The following DACH1 variants were observed in gnomAD, a reference collection of about 807,000 sequenced individuals.
DACH1 encodes dachshund homolog 1.
A neutral mutation model predicts 54.2 loss-of-function variants in DACH1; 12 were observed. The observed-to-expected ratio is 0.22, with a 90% confidence interval of 0.14 to 0.36. The LOEUF (loss-of-function observed/expected upper bound fraction) is 0.36. Ranked by LOEUF, DACH1 falls within the 10% of genes least tolerant of loss-of-function variation. The pLI, the probability that DACH1 is intolerant of heterozygous loss-of-function variation, is 1.00. For missense variants in DACH1, 805 were observed against 929.8 expected (o/e 0.87, Z 1.75); for synonymous variants, 386 against 366.2 (o/e 1.05, Z -0.62).
At chr13:71,642,818 C>T (rs1260882350) in intron 2 of DACH1, among the ~76,000 whole-genome samples, 1 of 151,840 alleles carries the variant, frequency 6.6e-6, no homozygotes, top group Non-Finnish European at 1.5e-5. Context: ...GTCAGGAGTT[C>T]GAGACCAGCC....
At chr13:71,531,188 C>G (rs779718246) in intron 6 of DACH1, among the ~76,000 whole-genome samples, 1 of 151,940 alleles carries the variant, frequency 6.6e-6, no homozygotes, top group African/African-American at 2.4e-5. Flanking sequence ...TCTAACTTTT[C>G]GGGAAGAGTT....
intron 1 of DACH1, among the ~76,000 whole-genome samples, chr13:71,810,381 C>A (rs1037351961): frequency 7.9e-5 from 12 of 152,078 alleles, no homozygotes; most frequent in South Asian, 4.1e-4. Context: ...TCATATGGAA[C>A]TACAATTTGT....
At chr13:71,456,906 A>G (rs1198806829) in intron 10 of DACH1, among the ~76,000 whole-genome samples, 2 of 152,040 alleles carry the variant, frequency 1.3e-5, no homozygotes, top group African/African-American at 2.4e-5. Context: ...TAAACGTTGC[A>G]GCCCTAGACA....
At chr13:71,782,469 TAAAAA>T (rs935537685) in intron 1 of DACH1, among the ~76,000 whole-genome samples, 2 of 151,720 alleles carry the variant, frequency 1.3e-5, no homozygotes, top group African/African-American at 4.8e-5. Flanking sequence ...AAAATAGAAA[TAAAAA>T]TAAAATAAAT....
At chr13:71,743,940 C>A (rs144385456) in intron 1 of DACH1, among the ~76,000 whole-genome samples, 189 of 152,168 alleles carry the variant, frequency 1.2e-3, no homozygotes, top group African/African-American at 4.4e-3. Flanking sequence ...AAGCCCCCAA[C>A]CCTGGAAAGT....
intron 1 of DACH1, among the ~76,000 whole-genome samples, chr13:71,716,628 A>G (rs192616498): frequency 6.6e-6 from 1 of 152,228 alleles, no homozygotes; most frequent in East Asian, 1.9e-4. Flanking sequence ...ATGGAATACC[A>G]TAGTATCATA....
intron 1 of DACH1, among the ~76,000 whole-genome samples, chr13:71,796,990 GT>G (rs1010090757): frequency 7.4e-5 from 11 of 149,096 alleles, no homozygotes; most frequent in East Asian, 2.0e-4. Flanking sequence ...TCTTTGTTTT[GT>G]TTTTTTTCAC....
At chr13:71,610,147 T>C (rs910133241) in intron 3 of DACH1, among the ~76,000 whole-genome samples, 14 of 152,046 alleles carry the variant, frequency 9.2e-5, no homozygotes, top group Non-Finnish European at 2.1e-4. Context: ...TCCTAGAATT[T>C]CCAAGTGGGA....
At position 71,440,533 on chromosome 13, in the gene DACH1, A is replaced by G; in HGVS notation, c.*122T>C. 1 of 761,470 alleles carries G rather than the reference A, an allele frequency of 1.3e-6. No homozygotes were observed. Among genetic ancestry groups the G allele is most frequent in the Non-Finnish European group, 2.2e-6 (1 of 463,024 alleles). The allele number at this position is 761,470 out of a possible 1,614,324, so 47.2% of individuals were successfully genotyped here. A position where few individuals can be genotyped will look rare whatever the true frequency, so the allele number is the denominator to read the frequency against. ...TAGAATACTTAAACTTTTAAAGAAC[A>G]TTAATACACAAAATTCAGGAAGTTC... On this transcript the variant is annotated 3_prime_UTR_variant, in exon 11 of 11. Transcript: ENST00000613252.
chr13:71,810,215 A>G (rs1209266936), intron 1 of DACH1, among the ~76,000 whole-genome samples: 1 of 152,194 alleles, frequency 6.6e-6, no homozygotes, highest in Non-Finnish European at 1.5e-5. Context: ...CAAAAACGTT[A>G]TCACTTAGAA....
At chr13:71,556,687 T>C (rs1884274037) in intron 6 of DACH1, among the ~76,000 whole-genome samples, 3 of 150,184 alleles carry the variant, frequency 2.0e-5, no homozygotes, top group Admixed American at 6.6e-5. Flanking sequence ...TATTGTTCTA[T>C]CATGCTAAGT....
intron 1 of DACH1, among the ~76,000 whole-genome samples, chr13:71,790,641 G>A (rs1886795830): frequency 6.6e-6 from 1 of 152,152 alleles, no homozygotes. Flanking sequence ...AAGTTTACTT[G>A]AAAAATGCAT....
chr13:71,816,637 CAT>C lies in DACH1; in HGVS notation c.848+49283_848+49284del, dbSNP rs535536444. ...ATATACACGTGTATATATACACACA[CAT>C]ATGTGTGTATATATATACACGTGTA... On this transcript the variant is annotated intron_variant, in intron 1 of 10. Transcript: ENST00000613252. 6.4e-4 allele frequency among the ~76,000 whole-genome samples: 16 copies of C among 25,124 alleles called. No homozygotes were observed. The South Asian group carries it at 0.03, about 46-fold the overall frequency. The allele number at this position is 25,124 out of a possible 152,430, so 16.5% of individuals were successfully genotyped here.
rs922899444 is a variant in DACH1, at chr13:71,744,130, C to A, written c.849-62220G>T. 1.8e-4 allele frequency among the ~76,000 whole-genome samples: 28 copies of A among 152,132 alleles called. 1 individual carries two copies. The South Asian group carries it at 1.9e-3, about 10-fold the overall frequency. On this transcript the variant is annotated intron_variant, in intron 1 of 10. Coordinates refer to ENST00000613252, the MANE Select transcript of DACH1 (RefSeq NM_080759.6). ...AATTGACTTGGTGCAGTTACAGATA[C>A]CTCCCTAAATAGTAGAAAAAGCAAC...
chr13:71,640,850 C>T (rs935335315), intron 2 of DACH1, among the ~76,000 whole-genome samples: 18 of 152,006 alleles, frequency 1.2e-4, no homozygotes, highest in Non-Finnish European at 2.1e-4. Context: ...GGAAAAGATA[C>T]GATAATCGTA....
Position 71,680,612 on chromosome 13 carries a change from A to AAAAATT in DACH1, c.964+1177_964+1182dup, listed in dbSNP as rs1880842805. Among the ~76,000 whole-genome samples the AAAAATT allele has an allele frequency of 7.2e-5, 11 of 152,356 alleles. 1 individual carries two copies. In the South Asian group the frequency reaches 2.1e-3, roughly 29 times the overall value. Reference sequence around the variant, plus strand: ...GAGGGAGACTCTTTGTCTTAAAAACAAAAATTAAAATTAAAATTAAAATTA... The same window carrying AAAAATT: ...GAGGGAGACTCTTTGTCTTAAAAACAAAAATTAAAATTAAAATTAAAATTAAAATTA... On this transcript the variant is annotated intron_variant, in intron 2 of 10. Coordinates refer to ENST00000613252, the MANE Select transcript of DACH1 (RefSeq NM_080759.6).
chr13:71,550,307 A>G lies in DACH1; in HGVS notation c.1570+6717T>C, dbSNP rs1033089917. ...TTAACTCTGAAAAGAACTTTATTGT[A>G]CCCACTAATGCCAGACCCTGTGCTA... On this transcript the variant is annotated intron_variant, in intron 6 of 10. Transcript: ENST00000613252. Among the ~76,000 whole-genome samples the G allele has an allele frequency of 1.4e-4, 22 of 152,230 alleles. 1 individual carries two copies. Among genetic ancestry groups the G allele is most frequent in the Non-Finnish European group, 3.1e-4 (21 of 68,012 alleles).
rs1873690551 is a variant in DACH1, at chr13:71,438,273, T to A, written c.*2382A>T. On this transcript the variant is annotated 3_prime_UTR_variant, in exon 11 of 11. Coordinates refer to ENST00000613252, the MANE Select transcript of DACH1 (RefSeq NM_080759.6). ...GGCTTGCATAGAGCGCAAATGTGGT[T>A]ATAATATAGAACAACTAGACATTAA... 1 of 152,388 alleles carries A rather than the reference T, an allele frequency of 6.6e-6. No individual in the cohort carries two copies. Among genetic ancestry groups the A allele is most frequent in the Non-Finnish European group, 1.5e-5 (1 of 67,866 alleles). The allele number at this position is 152,388 out of a possible 1,614,324, so 9.4% of individuals were successfully genotyped here.
At chr13:71,810,927 G>A (rs1887683995) in intron 1 of DACH1, among the ~76,000 whole-genome samples, 1 of 152,080 alleles carries the variant, frequency 6.6e-6, no homozygotes, top group Non-Finnish European at 1.5e-5. Flanking sequence ...GTACTCATTA[G>A]TATAGATTAC....
Sources: allele counts gnomAD v4.1 joint callset (sites outside exome capture counted in the v4.1 genomes callset), GRCh38; gene constraint gnomAD v4.1.1; transcripts MANE v1.5; gene names NCBI Gene and HGNC (gene_info 2026-07-23, HGNC 2026-07-21).